Variants in DLG2 observed in about 807,000 individuals in gnomAD.
DLG2 encodes the protein disks large homolog 2.
Under a neutral mutation model 132.5 loss-of-function variants are expected in DLG2, and 45 were observed. The ratio of observed to expected loss-of-function variants is 0.34; its 90% CI spans 0.27 to 0.44. The LOEUF (loss-of-function observed/expected upper bound fraction) is 0.44, where lower values mean the gene tolerates loss of function less well. Among genes scored for constraint, DLG2 ranks in the 20% least tolerant of loss-of-function variants. The pLI is 1.00. For synonymous variants in DLG2, 424 were observed against 419.6 expected (o/e 1.01, Z -0.13); for missense variants, 1,045 against 1,196.9 (o/e 0.87, Z 1.87).
rs551494510 is a variant in DLG2, at chr11:83,460,089, G to A, written c.2822-165C>T. Reference sequence around the variant, plus strand: ...GAAGCAGAAAATTCATATAAGCAAAGTTACATTCATGATTTTAAGAAATGC... The same window carrying A: ...GAAGCAGAAAATTCATATAAGCAAAATTACATTCATGATTTTAAGAAATGC... On this transcript the variant is annotated intron_variant, in intron 27 of 27. Coordinates refer to ENST00000376104, the MANE Select transcript of DLG2 (RefSeq NM_001142699.3). Among the ~76,000 whole-genome samples, 4 of 152,324 alleles carry A rather than the reference G, an allele frequency of 2.6e-5. No individual in the cohort carries two copies. In the South Asian group the frequency reaches 8.3e-4, roughly 32 times the overall value.
chr11:84,254,381 G>C (rs565962050), intron 7 of DLG2, among the ~76,000 whole-genome samples: 1 of 152,094 alleles, frequency 6.6e-6, no homozygotes, highest in Non-Finnish European at 1.5e-5. Flanking sequence ...CAAGAAGACT[G>C]TATGTCTAAA....
intron 3 of DLG2, among the ~76,000 whole-genome samples, chr11:85,449,102 T>C (rs941777728): frequency 3.3e-5 from 5 of 152,194 alleles, no homozygotes; most frequent in African/African-American, 1.2e-4. Context: ...CTGTCCTTTT[T>C]CTAACATGTT....
chr11:84,518,914 A>G (rs1487076497), intron 7 of DLG2, among the ~76,000 whole-genome samples: 1 of 152,174 alleles, frequency 6.6e-6, no homozygotes, highest in Non-Finnish European at 1.5e-5. Flanking sequence ...AGGTTCAGAC[A>G]TTAATACTCA....
intron 14 of DLG2, among the ~76,000 whole-genome samples, chr11:83,935,215 T>A (rs1459674949): frequency 6.6e-6 from 1 of 152,168 alleles, no homozygotes; most frequent in African/African-American, 2.4e-5. Flanking sequence ...AGATATCATT[T>A]GAGGAAAAAG....
intron 18 of DLG2, among the ~76,000 whole-genome samples, chr11:83,769,134 C>A (rs1211403771): frequency 6.6e-6 from 1 of 152,092 alleles, no homozygotes; most frequent in African/African-American, 2.4e-5. Context: ...TTTTCTGAAT[C>A]CTTGAACCCA....
chr11:84,402,095 C>G (rs1045916110), intron 7 of DLG2, among the ~76,000 whole-genome samples: 3 of 152,170 alleles, frequency 2.0e-5, no homozygotes, highest in Non-Finnish European at 1.5e-5. Context: ...ATGCCTCTCT[C>G]TAATCCAATG....
chr11:83,588,109 G>A (rs1337448773), intron 19 of DLG2, among the ~76,000 whole-genome samples: 2 of 152,184 alleles, frequency 1.3e-5, no homozygotes, highest in Non-Finnish European at 2.9e-5. Flanking sequence ...CAGCTGGGAA[G>A]CTCGAACTGG....
intron 7 of DLG2, among the ~76,000 whole-genome samples, chr11:84,340,434 C>A (rs1445076216): frequency 1.3e-5 from 2 of 152,126 alleles, no homozygotes; most frequent in African/African-American, 4.8e-5. Context: ...AGTATAACTT[C>A]TCATACAGAG....
intron 3 of DLG2, among the ~76,000 whole-genome samples, chr11:85,401,409 T>A (rs190202173): frequency 6.6e-6 from 1 of 152,232 alleles, no homozygotes; most frequent in Non-Finnish European, 1.5e-5. Context: ...GCTGGAAGAA[T>A]TCCACTTGAA....
chr11:85,259,578 C>T (rs2076836584), intron 4 of DLG2, among the ~76,000 whole-genome samples: 1 of 151,808 alleles, frequency 6.6e-6, no homozygotes, highest in Non-Finnish European at 1.5e-5. Flanking sequence ...TTTCATATTA[C>T]ACTTCTGCTT....
chr11:84,488,802 T>C (rs1001723767), intron 7 of DLG2, among the ~76,000 whole-genome samples: 15 of 152,148 alleles, frequency 9.9e-5, no homozygotes, highest in African/African-American at 3.6e-4. Context: ...ATAAATACTG[T>C]AGTTTATCTG....
At chr11:83,809,650 T>C (rs979001968) in intron 17 of DLG2, among the ~76,000 whole-genome samples, 1 of 152,188 alleles carries the variant, frequency 6.6e-6, no homozygotes, top group Non-Finnish European at 1.5e-5. Context: ...TTTGGGCTTT[T>C]GGGTATGTAT....
At chr11:85,483,196 G>C (rs1199091054) in intron 3 of DLG2, among the ~76,000 whole-genome samples, 1 of 152,160 alleles carries the variant, frequency 6.6e-6, no homozygotes, top group Admixed American at 6.5e-5. Flanking sequence ...TTAGCACGAG[G>C]ATCCTTATTA....
chr11:83,704,213 CTT>C lies in DLG2; in HGVS notation c.1826-70890_1826-70889del, dbSNP rs140339177. Among the ~76,000 whole-genome samples, 960 of 152,202 alleles carry C rather than the reference CTT, an allele frequency of 6.3e-3. 8 individuals are homozygous for C. Among genetic ancestry groups the C allele is most frequent in the African/African-American group, 0.022 (911 of 41,536 alleles). ...AGAGTGCATCTGAAAACATGAAAAA[CTT>C]TGCATGAAAAATGTTTGTAACATAT... On this transcript the variant is annotated intron_variant, in intron 18 of 27. Coordinates refer to ENST00000376104, the MANE Select transcript of DLG2 (RefSeq NM_001142699.3).
intron 3 of DLG2, among the ~76,000 whole-genome samples, chr11:85,411,602 A>G (rs973313902): frequency 5.3e-5 from 8 of 152,050 alleles, no homozygotes; most frequent in East Asian, 1.9e-4. Context: ...GTGATGATCA[A>G]TGTCATTCAG....
At chr11:83,541,510 AAG>A (rs1259673553) in intron 20 of DLG2, among the ~76,000 whole-genome samples, 170 bp downstream of exon 20, 1 of 152,172 alleles carries the variant, frequency 6.6e-6, no homozygotes, top group Non-Finnish European at 1.5e-5. Flanking sequence ...ATATAGGAAA[AAG>A]AGGATTTTTA....
intron 11 of DLG2, among the ~76,000 whole-genome samples, chr11:84,041,676 A>G (rs1047667942): frequency 7.2e-5 from 11 of 152,036 alleles, no homozygotes; most frequent in African/African-American, 2.7e-4. Flanking sequence ...AGGTCAATTT[A>G]CCCAATTTCC....
intron 6 of DLG2, among the ~76,000 whole-genome samples, chr11:84,714,623 TTCTCTCTCTCTC>T (rs1284319609): frequency 9.5e-6 from 1 of 104,994 alleles, no homozygotes; most frequent in South Asian, 3.0e-4. Flanking sequence ...CTCTTTCTCT[TTCTCTCTCTCTC>T]TCTCTCTCTC....
rs59045992 is a variant in DLG2 at position 83,850,162 on chromosome 11, T to TGTGTGTGTGTGTGTGTG, written c.1566-16393_1566-16392insCACACACACACACACAC. 8.3e-3 allele frequency among the ~76,000 whole-genome samples: 960 copies of TGTGTGTGTGTGTGTGTG among 115,458 alleles called. 9 individuals are homozygous for TGTGTGTGTGTGTGTGTG. Among genetic ancestry groups the TGTGTGTGTGTGTGTGTG allele is most frequent in the Non-Finnish European group, 9.8e-3 (564 of 57,774 alleles). The allele number at this position is 115,458 out of a possible 152,430, so 75.7% of individuals were successfully genotyped here. A position where few individuals can be genotyped will look rare whatever the true frequency, so the allele number is the denominator to read the frequency against. ...TGTGTGTGTGTGTGTGTGTGTGTGT[T>TGTGTGTGTGTGTGTGTG]TTTTTACTTGAGACGGAGTCTCACT... On this transcript the variant is annotated intron_variant, in intron 16 of 27. Coordinates refer to ENST00000376104, the MANE Select transcript of DLG2 (RefSeq NM_001142699.3).
Sources: gnomAD v4.1 joint callset for allele counts (sites outside exome capture counted in the v4.1 genomes callset) on GRCh38, gnomAD v4.1.1 for gene constraint, MANE v1.5 for transcripts, NCBI Gene and HGNC (gene_info 2026-07-23, HGNC 2026-07-21) for gene names.